KLHL8: variants seen among roughly 807,000 people sequenced by gnomAD.
KLHL8 encodes the protein kelch like family member 8.
In KLHL8, 38 loss-of-function variants were observed where a neutral mutation model predicts 63.5. The observed-to-expected ratio is 0.60, with a 90% CI of 0.46 to 0.78. The LOEUF is 0.78. Ranked by LOEUF, KLHL8 falls within the 30% of genes least tolerant of loss-of-function variation. KLHL8 has a pLI of 0.00. For synonymous variants in KLHL8, 224 were observed against 254.3 expected, an observed-to-expected ratio of 0.88 and a Z score of 1.13; for missense variants, 566 against 752.4, an observed-to-expected ratio of 0.75 and a Z score of 2.90.
chr4:87,215,952 GTA>G (rs1732579754), intron 1 of KLHL8, among the ~76,000 whole-genome samples: 1 of 152,132 alleles, frequency 6.6e-6, no homozygotes, highest in Non-Finnish European at 1.5e-5. Context: ...AACAGATTAT[GTA>G]TATATCATCA....
intron 3 of KLHL8, 37 bp from the exon 4 acceptor site, chr4:87,183,426 T>C (rs1320183116): frequency 2.1e-6 from 3 of 1,436,134 alleles, no homozygotes; most frequent in Admixed American, 4.3e-5. Flanking sequence ...ACAAATTTTA[T>C]ATTTTCTTGG....
Position 87,161,110 on chromosome 4 carries a change from C to T in KLHL8, c.*2409G>A, listed in dbSNP as rs1166035229. ...CACCGCTGGAGTGCGATGGCTCAAC[C>T]TCGGCTCATTGCAACCTCCACCTCC... On this transcript the variant is annotated 3_prime_UTR_variant, in exon 10 of 10. Coordinates refer to ENST00000273963, the MANE Select transcript of KLHL8 (RefSeq NM_020803.5). The T allele has an allele frequency of 1.3e-5, 2 of 150,220 alleles. No homozygotes were observed. The highest frequency in any genetic ancestry group is 2.9e-5 in the Non-Finnish European group (2 of 67,886). 9.3% of individuals were successfully genotyped at this position (150,220 alleles called of 1,614,324 possible).
At chr4:87,187,356 C>T (rs926405344) in intron 2 of KLHL8, among the ~76,000 whole-genome samples, 17 of 151,410 alleles carry the variant, frequency 1.1e-4, no homozygotes, top group Admixed American at 3.9e-4. Flanking sequence ...CCATTGTGCC[C>T]GGCCATAGTT....
chr4:87,164,077 C>T lies in KLHL8; in HGVS notation c.1540G>A (p.Gly514Ser), dbSNP rs773183945. Residue 514 changes from glycine (G) to serine (S), a missense_variant and splice_region_variant, in exon 9 of 10, where the codon GGT becomes AGT. Transcript: ENST00000273963. ...KLHGCLYVVG[G>S]FDDNSPLSSV... ...CTCAGAGGAGAATTATCATCAAAAC[C>T]ACCTATGTAAAGAAATATTTTAAAA... 2.5e-6 allele frequency: 4 copies of T among 1,612,732 alleles called. No individual in the cohort carries two copies. The highest frequency in any genetic ancestry group is 3.4e-6 in the Non-Finnish European group (4 of 1,178,772).
intron 1 of KLHL8, among the ~76,000 whole-genome samples, chr4:87,211,618 C>T (rs550978944): frequency 6.6e-6 from 1 of 152,116 alleles, no homozygotes. Context: ...AAAGCAAAAC[C>T]CCATCTCTAC....
At chr4:87,165,523 A>C (rs1053094392) in intron 8 of KLHL8, among the ~76,000 whole-genome samples, 10 of 151,682 alleles carry the variant, frequency 6.6e-5, no homozygotes, top group African/African-American at 2.4e-4. Flanking sequence ...CCTCCTAAGT[A>C]GCTGGAACTA....
At chr4:87,167,746 G>A in intron 8 of KLHL8, 1 of 302,070 alleles carries the variant, frequency 3.3e-6, no homozygotes, top group South Asian at 3.7e-5. Flanking sequence ...CCTGAGCTGA[G>A]GAGTAGTCTG....
chr4:87,169,818 T>C (rs1220852320), intron 8 of KLHL8, among the ~76,000 whole-genome samples: 2 of 151,782 alleles, frequency 1.3e-5, no homozygotes, highest in Non-Finnish European at 2.9e-5. Flanking sequence ...TGAGCTACGA[T>C]TGTGCCACCG....
chr4:87,191,057 T>G (rs1335535797), intron 2 of KLHL8, among the ~76,000 whole-genome samples: 1 of 152,214 alleles, frequency 6.6e-6, no homozygotes. Flanking sequence ...TGGCTTAGGT[T>G]TCTACATATC....
intron 8 of KLHL8, among the ~76,000 whole-genome samples, chr4:87,169,498 C>G (rs1730552831): frequency 6.6e-6 from 1 of 152,098 alleles, no homozygotes; most frequent in Non-Finnish European, 1.5e-5. Context: ...ATTTGTTACT[C>G]TTAGAAAAAT....
chr4:87,185,685 T>C lies in KLHL8; in HGVS notation c.331A>G (p.Arg111Gly), dbSNP rs1337855772. Residue 111 changes from arginine to glycine, a missense_variant, in exon 3 of 10, where the codon AGA (arginine) becomes GGA (glycine). Coordinates refer to ENST00000273963, the MANE Select transcript of KLHL8 (RefSeq NM_020803.5). The stretch of plus-strand genomic sequence containing the variant: ...TCTATTGCATCACCATCAAAATCTC[T>C]AATCTCAATCAGCGTTTGCTTGGCT... ...AEAKQTLIEI[R>G]DFDGDAIEDL... is the part of the protein sequence containing the mutation. 6.2e-7 allele frequency: 1 copy of C among 1,614,082 alleles called. No individual in the cohort carries two copies. The highest frequency in any genetic ancestry group is 1.7e-5 in the Admixed American group (1 of 60,022).
At chr4:87,238,838 T>C (rs1204882946) in intron 1 of KLHL8, among the ~76,000 whole-genome samples, 2 of 152,224 alleles carry the variant, frequency 1.3e-5, no homozygotes, top group Non-Finnish European at 1.5e-5. Context: ...ACCCTGGTCC[T>C]GTATAAATTG....
intron 1 of KLHL8, among the ~76,000 whole-genome samples, chr4:87,234,451 A>AC (rs397944200): frequency 1.3e-5 from 2 of 151,320 alleles, no homozygotes; most frequent in Non-Finnish European, 2.9e-5. Context: ...AAAAAAAAAA[A>AC]GATTATAGTG....
At chr4:87,226,583 C>CTA (rs1260775303) in intron 1 of KLHL8, among the ~76,000 whole-genome samples, 1 of 82,654 alleles carries the variant, frequency 1.2e-5, no homozygotes, top group South Asian at 3.4e-4. Context: ...CTCTCTCTCT[C>CTA]TATATATATA....
At chr4:87,180,601 G>A (rs1313258763) in intron 4 of KLHL8, among the ~76,000 whole-genome samples, 1 of 152,174 alleles carries the variant, frequency 6.6e-6, no homozygotes, top group Non-Finnish European at 1.5e-5. Context: ...TATTCTGTAT[G>A]TGCCTGCATT....
intron 4 of KLHL8, among the ~76,000 whole-genome samples, chr4:87,181,143 C>T (rs1731036760): frequency 6.6e-6 from 1 of 151,692 alleles, no homozygotes; most frequent in Non-Finnish European, 1.5e-5. Flanking sequence ...TGTTTATAAG[C>T]TGGGCTGGGC....
intron 1 of KLHL8, among the ~76,000 whole-genome samples, chr4:87,210,103 C>T (rs1452996764): frequency 1.3e-5 from 2 of 151,978 alleles, no homozygotes; most frequent in South Asian, 2.1e-4. Context: ...AGCAATCTGC[C>T]GGCTTCGGAC....
intron 1 of KLHL8, among the ~76,000 whole-genome samples, chr4:87,202,499 G>A (rs1731956596): frequency 6.6e-6 from 1 of 152,122 alleles, no homozygotes; most frequent in South Asian, 2.1e-4. Flanking sequence ...TGCAATATCA[G>A]AGACTATCAT....
chr4:87,222,195 T>G (rs1419074897), upstream of KLHL8, among the ~76,000 whole-genome samples: 2 of 152,230 alleles, frequency 1.3e-5, no homozygotes, highest in Admixed American at 1.3e-4. Context: ...GAAGAAAGAC[T>G]GAAGTCTGTC....
Sources: allele counts gnomAD v4.1 joint callset (sites outside exome capture counted in the v4.1 genomes callset), GRCh38; gene constraint gnomAD v4.1.1; transcripts MANE v1.5; gene names NCBI Gene and HGNC (gene_info 2026-07-23, HGNC 2026-07-21).